EYS: variants seen among roughly 807,000 people sequenced by gnomAD.
The protein encoded by EYS is EGF-like photoreceptor maintenance factor.
A neutral mutation model predicts 282.1 loss-of-function variants in EYS; 250 were observed. The observed-to-expected ratio is 0.89, with a 90% CI of 0.80 to 0.98. EYS has a LOEUF of 0.98. Ranked by LOEUF, EYS falls within the 50% of genes least tolerant of loss-of-function variation. The pLI is 0.00. For missense variants in EYS, 4,016 were observed against 3,709.0 expected (o/e 1.08, Z -2.15); for synonymous variants, 1,355 against 1,282.9 (o/e 1.06, Z -1.20).
At chr6:65,679,895 T>A (rs1768757366) in intron 1 of EYS, among the ~76,000 whole-genome samples, 1 of 151,902 alleles carries the variant, frequency 6.6e-6, no homozygotes, top group African/African-American at 2.4e-5. Context: ...TGGTCTGCAA[T>A]AGCCTTCAGT....
intron 30 of EYS, among the ~76,000 whole-genome samples, chr6:64,249,734 G>C (rs1352888710): frequency 6.6e-6 from 1 of 152,174 alleles, no homozygotes; most frequent in Non-Finnish European, 1.5e-5. Context: ...CCTGATAAGA[G>C]CTGTGGTCCT....
rs115974050 is a variant in EYS at position 64,245,365 on chromosome 6, G to A, written c.6192-14541C>T. Reference sequence around the variant, plus strand: ...TTTTTGGCAGCATCTTAGTTGCCTAGGTGGCAGTGCAGTGACACAATTGCA... The same window carrying A: ...TTTTTGGCAGCATCTTAGTTGCCTAAGTGGCAGTGCAGTGACACAATTGCA... On this transcript the variant is annotated intron_variant, in intron 30 of 42. Transcript: ENST00000503581. Among the ~76,000 whole-genome samples the A allele has an allele frequency of 1.4e-3, 213 of 152,034 alleles. 1 individual carries two copies. The highest frequency in any genetic ancestry group is 4.9e-3 in the African/African-American group (203 of 41,458).
chr6:65,242,241 A>C (rs1276907546), intron 12 of EYS, among the ~76,000 whole-genome samples: 2 of 152,168 alleles, frequency 1.3e-5, no homozygotes, highest in East Asian at 1.9e-4. Flanking sequence ...ATCTAATTTT[A>C]GAATTTTTTT....
chr6:65,240,836 C>T (rs1024136587), intron 12 of EYS, among the ~76,000 whole-genome samples: 4 of 152,002 alleles, frequency 2.6e-5, no homozygotes, highest in Admixed American at 6.5e-5. Context: ...TATTTCTGTT[C>T]GAAGTTCTTT....
intron 22 of EYS, among the ~76,000 whole-genome samples, chr6:64,637,419 A>G (rs1768019704): frequency 1.4e-5 from 1 of 71,760 alleles, no homozygotes; most frequent in South Asian, 7.8e-4. Flanking sequence ...CAGGAAGGGG[A>G]ACATCACACT....
At chr6:64,735,310 C>T (rs534350087) in intron 22 of EYS, among the ~76,000 whole-genome samples, 25 of 152,278 alleles carry the variant, frequency 1.6e-4, no homozygotes, top group African/African-American at 4.6e-4. Context: ...GTCTCGATCT[C>T]CTGACCTCGT....
At position 64,902,224 on chromosome 6, in the gene EYS, T is replaced by C; in HGVS notation, c.2739-4A>G. 1 of 1,543,236 alleles carries C rather than the reference T, an allele frequency of 6.5e-7. No individual in the cohort carries two copies. Among genetic ancestry groups the C allele is most frequent in the Non-Finnish European group, 8.8e-7 (1 of 1,141,192 alleles). ...AAACCCAGGTCTGCAAATACACCTTTTAAACAAAAAATTTAGTAACTCCAT... is the reference window on the plus strand; with the variant it reads ...AAACCCAGGTCTGCAAATACACCTTCTAAACAAAAAATTTAGTAACTCCAT... On this transcript the variant is annotated splice_polypyrimidine_tract_variant and splice_region_variant and intron_variant, in intron 17 of 42. Coordinates refer to ENST00000503581, the MANE Select transcript of EYS (RefSeq NM_001142800.2).
At chr6:64,776,864 G>T (rs934343353) in intron 22 of EYS, among the ~76,000 whole-genome samples, 2 of 151,716 alleles carry the variant, frequency 1.3e-5, no homozygotes, top group African/African-American at 4.9e-5. Context: ...ATCTTTGCTA[G>T]ATTTCTGATG....
At chr6:65,603,294 T>C (rs1765672987) in intron 2 of EYS, among the ~76,000 whole-genome samples, 1 of 151,898 alleles carries the variant, frequency 6.6e-6, no homozygotes, top group Non-Finnish European at 1.5e-5. Flanking sequence ...GAAAGAGAGG[T>C]GAATTCTAAC....
chr6:64,394,077 A>T (rs1374050270), intron 28 of EYS, among the ~76,000 whole-genome samples: 2 of 152,138 alleles, frequency 1.3e-5, no homozygotes, highest in South Asian at 4.1e-4. Flanking sequence ...CTTACAAGGG[A>T]TGTGAAGGAC....
At chr6:65,174,215 A>G (rs1242121189) in intron 12 of EYS, among the ~76,000 whole-genome samples, 1 of 151,268 alleles carries the variant, frequency 6.6e-6, no homozygotes, top group Non-Finnish European at 1.5e-5. Flanking sequence ...GCTGTGAAAG[A>G]GAACATAATT....
Position 65,347,315 on chromosome 6 carries a change from T to C in EYS, c.1460-3138A>G, listed in dbSNP as rs142750286. 5.3e-5 allele frequency among the ~76,000 whole-genome samples: 8 copies of C among 151,876 alleles called. No homozygotes were observed. The South Asian group carries it at 1.0e-3, about 20-fold the overall frequency. ...TCTGTGTCTTCGTATGTAAACTGGG[T>C]GTTTATATTACTGACTTACCTTTCA... On this transcript the variant is annotated intron_variant, in intron 9 of 42. Coordinates refer to ENST00000503581, the MANE Select transcript of EYS (RefSeq NM_001142800.2).
At chr6:64,619,469 G>T (rs1423989839) in intron 23 of EYS, among the ~76,000 whole-genome samples, 2 of 151,790 alleles carry the variant, frequency 1.3e-5, no homozygotes, top group Non-Finnish European at 2.9e-5. Flanking sequence ...ATTTTTAAAG[G>T]CCAGGTGAGC....
intron 31 of EYS, among the ~76,000 whole-genome samples, chr6:64,158,105 G>A (rs1423780677): frequency 6.6e-6 from 1 of 152,184 alleles, no homozygotes; most frequent in Non-Finnish European, 1.5e-5. Context: ...GTGTGACCTG[G>A]ATGTGAGACC....
chr6:64,677,824 G>A (rs1305628304), intron 22 of EYS, among the ~76,000 whole-genome samples: 1 of 151,426 alleles, frequency 6.6e-6, no homozygotes, highest in Non-Finnish European at 1.5e-5. Flanking sequence ...ACTACAATTT[G>A]TCTTAAAAAG....
intron 1 of EYS, among the ~76,000 whole-genome samples, chr6:65,654,572 T>C (rs1767755646): frequency 6.6e-6 from 1 of 151,798 alleles, no homozygotes; most frequent in African/African-American, 2.4e-5. Context: ...ATATCAGAAA[T>C]TACATCTAAA....
At chr6:64,258,921 T>G (rs1767491640) in intron 30 of EYS, among the ~76,000 whole-genome samples, 1 of 152,066 alleles carries the variant, frequency 6.6e-6, no homozygotes, top group African/African-American at 2.4e-5. Flanking sequence ...AGATCAATAC[T>G]GTGAGTCATT....
At chr6:64,966,331 G>A (rs963501555) in intron 14 of EYS, among the ~76,000 whole-genome samples, 1 of 151,896 alleles carries the variant, frequency 6.6e-6, no homozygotes, top group Non-Finnish European at 1.5e-5. Context: ...ATTGGTGTTG[G>A]GGGGGGTATT....
At chr6:63,980,000 A>G (rs768725837) in intron 35 of EYS, among the ~76,000 whole-genome samples, 11 of 151,896 alleles carry the variant, frequency 7.2e-5, no homozygotes, top group Non-Finnish European at 1.3e-4. Context: ...CAGTGTAGGA[A>G]CAGCACTTTA....
Sources: allele counts gnomAD v4.1 joint callset (sites outside exome capture counted in the v4.1 genomes callset), GRCh38; gene constraint gnomAD v4.1.1; transcripts MANE v1.5; gene names NCBI Gene and HGNC (gene_info 2026-07-23, HGNC 2026-07-21).